The following CTNNA2 variants were observed in gnomAD, a reference collection of about 807,000 sequenced individuals.
CTNNA2 encodes catenin alpha 2.
Under a neutral mutation model 101.0 loss-of-function variants are expected in CTNNA2, and 42 were observed. The ratio of observed to expected loss-of-function variants is 0.42; its 90% CI spans 0.32 to 0.54. The LOEUF (loss-of-function observed/expected upper bound fraction) is 0.54, where lower values mean the gene tolerates loss of function less well. Among genes scored for constraint, CTNNA2 ranks in the 20% least tolerant of loss-of-function variants. CTNNA2 has a pLI of 0.14. For synonymous variants in CTNNA2, 450 were observed against 456.4 expected (o/e 0.99, Z 0.18); for missense variants, 871 against 1,223.1 (o/e 0.71, Z 4.29).
intron 12 of CTNNA2, among the ~76,000 whole-genome samples, chr2:80,569,283 T>C (rs1429242564): frequency 6.6e-6 from 1 of 152,184 alleles, no homozygotes; most frequent in African/African-American, 2.4e-5. Context: ...TCATTACTCC[T>C]AGGGATATCA....
intron 9 of CTNNA2, among the ~76,000 whole-genome samples, chr2:80,511,248 G>C (rs991770905): frequency 1.3e-5 from 2 of 152,162 alleles, no homozygotes; most frequent in Non-Finnish European, 2.9e-5. Context: ...AGCATAATGA[G>C]AGTTTTAGAG....
intron 2 of CTNNA2, among the ~76,000 whole-genome samples, chr2:79,236,575 T>A (rs1465798400): frequency 2.6e-5 from 4 of 152,220 alleles, no homozygotes; most frequent in Admixed American, 6.5e-5. Context: ...TCTCTAGCAT[T>A]CAATGCTGTC....
chr2:79,475,655 T>C lies in CTNNA2; in HGVS notation c.-134-29399T>C, dbSNP rs78281666. 0.011 allele frequency among the ~76,000 whole-genome samples: 1,623 copies of C among 148,850 alleles called. 80 individuals carry two copies. In the East Asian group the frequency reaches 0.13, roughly 12 times the overall value. On this transcript the variant is annotated intron_variant, in intron 4 of 21. Transcript: ENST00000466387. ...CTTTCAAATACTCTGATTTTCAATA[T>C]AGCTTATTTTTCATCTTTGAATACT...
At chr2:80,605,169 T>A (rs1697895315) in intron 16 of CTNNA2, 1 of 152,034 alleles carries the variant, frequency 6.6e-6, no homozygotes, top group Admixed American at 6.6e-5. Flanking sequence ...ACCTTGAATG[T>A]TTATTTCCAT....
intron 8 of CTNNA2, among the ~76,000 whole-genome samples, chr2:80,395,159 T>C (rs755565258): frequency 3.1e-4 from 47 of 152,316 alleles, no homozygotes; most frequent in Non-Finnish European, 5.7e-4. Flanking sequence ...TGAAAAATTA[T>C]GGTGGAATTT....
chr2:79,377,006 T>C (rs1677985889), intron 4 of CTNNA2, among the ~76,000 whole-genome samples: 1 of 151,614 alleles, frequency 6.6e-6, no homozygotes, highest in Non-Finnish European at 1.5e-5. Flanking sequence ...TACCCAGTAA[T>C]GGGATGGCTG....
chr2:79,342,832 C>T (rs555124328), intron 3 of CTNNA2, among the ~76,000 whole-genome samples: 1 of 152,266 alleles, frequency 6.6e-6, no homozygotes, highest in Admixed American at 6.5e-5. Flanking sequence ...AAGGATGAGT[C>T]TGAAAGGATC....
At chr2:80,160,362 C>T (rs139855382) in intron 7 of CTNNA2, among the ~76,000 whole-genome samples, 88 of 152,198 alleles carry the variant, frequency 5.8e-4, no homozygotes, top group African/African-American at 2.0e-3. Flanking sequence ...TGCTAGAAAT[C>T]GTGTTAACCT....
At chr2:79,401,061 A>G (rs1359282741) in intron 4 of CTNNA2, among the ~76,000 whole-genome samples, 1 of 151,868 alleles carries the variant, frequency 6.6e-6, no homozygotes, top group Non-Finnish European at 1.5e-5. Context: ...GAGAGAATTT[A>G]CCACTAGCAG....
intron 4 of CTNNA2, among the ~76,000 whole-genome samples, chr2:79,867,320 C>T (rs544377278): frequency 2.9e-5 from 4 of 140,308 alleles, no homozygotes; most frequent in Middle Eastern, 3.6e-3. Flanking sequence ...TCTTTTTCTA[C>T]GTCCCTTCAA....
chr2:80,036,844 TGTGTGAGAGA>T (rs905564139), intron 7 of CTNNA2, among the ~76,000 whole-genome samples: 26 of 74,144 alleles, frequency 3.5e-4, no homozygotes, highest in Admixed American at 1.1e-3. Flanking sequence ...TGTGTGTGTG[TGTGTGAGAGA>T]GAGAGAGAGA....
chr2:79,584,528 T>A (rs920088657), intron 1 of CTNNA2, among the ~76,000 whole-genome samples: 3 of 151,524 alleles, frequency 2.0e-5, no homozygotes, highest in Non-Finnish European at 4.4e-5. Flanking sequence ...TTCTTTTTTT[T>A]TTTTTTTCTT....
At chr2:79,297,096 G>T (rs563207180) in intron 2 of CTNNA2, among the ~76,000 whole-genome samples, 1 of 152,014 alleles carries the variant, frequency 6.6e-6, no homozygotes, top group Non-Finnish European at 1.5e-5. Context: ...GAGAATTTGG[G>T]CATCTAATAC....
At chr2:80,054,563 G>A (rs1697097056) in intron 7 of CTNNA2, among the ~76,000 whole-genome samples, 2 of 152,320 alleles carry the variant, frequency 1.3e-5, no homozygotes, top group South Asian at 4.1e-4. Flanking sequence ...GGATGAATAT[G>A]TGGTTTCTGG....
At chr2:80,645,623 TCCCGGGTGATG>T (rs1673996341) in intron 18 of CTNNA2, among the ~76,000 whole-genome samples, 1 of 152,096 alleles carries the variant, frequency 6.6e-6, no homozygotes, top group South Asian at 2.1e-4. Context: ...TCTAACAGAT[TCCCGGGTGATG>T]CTGATGCTGT....
At chr2:80,485,027 T>C (rs1303335030) in intron 9 of CTNNA2, among the ~76,000 whole-genome samples, 1 of 152,006 alleles carries the variant, frequency 6.6e-6, no homozygotes, top group Admixed American at 6.6e-5. Flanking sequence ...ATAACAATAA[T>C]AATAATAATG....
chr2:80,558,486 G>GTATA lies in CTNNA2; in HGVS notation c.1741+2601_1741+2604dup, dbSNP rs1167062976. ...TATATGTGTGTGTGTGTGTGTGTGT[G>GTATA]TATATATATATGTTGTCTAAAGTGA... On this transcript the variant is annotated intron_variant, in intron 12 of 18. Coordinates refer to ENST00000402739, the MANE Select transcript of CTNNA2 (RefSeq NM_001282597.3). Among the ~76,000 whole-genome samples, 5 of 61,736 alleles carry GTATA rather than the reference G, an allele frequency of 8.1e-5. No individual in the cohort carries two copies. In the East Asian group the frequency reaches 1.6e-3, roughly 20 times the overall value. 40.5% of individuals were successfully genotyped at this position (61,736 alleles called of 152,430 possible). A position where few individuals can be genotyped will look rare whatever the true frequency, so the allele number is the denominator to read the frequency against.
chr2:80,218,053 A>G (rs1002915355), intron 7 of CTNNA2, among the ~76,000 whole-genome samples: 35 of 152,266 alleles, frequency 2.3e-4, no homozygotes, highest in African/African-American at 8.2e-4. Flanking sequence ...ATATTCCAGC[A>G]TAACACCAAT....
chr2:80,386,795 G>T (rs1406222787), intron 7 of CTNNA2, among the ~76,000 whole-genome samples: 3 of 152,136 alleles, frequency 2.0e-5, no homozygotes, highest in African/African-American at 7.2e-5. Flanking sequence ...TATACATTCA[G>T]TCATGTCTGC....
Sources: allele counts gnomAD v4.1 joint callset (sites outside exome capture counted in the v4.1 genomes callset), GRCh38; gene constraint gnomAD v4.1.1; transcripts MANE v1.5; gene names NCBI Gene and HGNC (gene_info 2026-07-23, HGNC 2026-07-21).